The following BICC1 variants were observed in gnomAD, a reference collection of about 807,000 sequenced individuals.
The protein encoded by BICC1 is protein bicaudal C homolog 1.
A neutral mutation model predicts 111.0 loss-of-function variants in BICC1; 43 were observed. That is an observed-to-expected ratio of 0.39 (90% CI 0.30 to 0.50). The LOEUF is 0.50. Ranked by LOEUF, BICC1 falls within the 20% of genes least tolerant of loss-of-function variation. BICC1 has a pLI of 0.88. For synonymous variants in BICC1, 467 were observed against 434.4 expected (o/e 1.07, Z -0.93); for missense variants, 1,091 against 1,203.2 (o/e 0.91, Z 1.38).
At chr10:58,689,147 G>T (rs1164008785) in intron 2 of BICC1, among the ~76,000 whole-genome samples, 1 of 152,140 alleles carries the variant, frequency 6.6e-6, no homozygotes, top group Admixed American at 6.5e-5. Context: ...CAGGATCCAG[G>T]TGTTTTCTGA....
At chr10:58,819,298 G>C (rs1234195475) in intron 19 of BICC1, among the ~76,000 whole-genome samples, 1 of 152,136 alleles carries the variant, frequency 6.6e-6, no homozygotes, top group Non-Finnish European at 1.5e-5. Context: ...CTTTAGAACT[G>C]TGATAAATGA....
chr10:58,824,904 G>A (rs1844352448), intron 20 of BICC1, among the ~76,000 whole-genome samples: 1 of 152,094 alleles, frequency 6.6e-6, no homozygotes, highest in African/African-American at 2.4e-5. Context: ...GTGATTTTGA[G>A]GTGGGGGCGG....
intron 1 of BICC1, among the ~76,000 whole-genome samples, chr10:58,557,559 A>G (rs549101488): frequency 2.0e-4 from 30 of 152,140 alleles, no homozygotes; most frequent in Non-Finnish European, 2.9e-4. Context: ...GTATTTTAAA[A>G]ATCACCATTT....
chr10:58,814,668 G>A (rs932036819), intron 18 of BICC1, among the ~76,000 whole-genome samples: 2 of 149,964 alleles, frequency 1.3e-5, no homozygotes, highest in South Asian at 2.1e-4. Flanking sequence ...GTATGCATGC[G>A]CCAATAGTCT....
chr10:58,764,346 G>T (rs1842399806), intron 3 of BICC1, among the ~76,000 whole-genome samples: 1 of 152,134 alleles, frequency 6.6e-6, no homozygotes, highest in Non-Finnish European at 1.5e-5. Context: ...AAACAAATCT[G>T]ATTTATATGA....
chr10:58,732,084 T>G (rs1841316918), intron 3 of BICC1, among the ~76,000 whole-genome samples: 1 of 152,142 alleles, frequency 6.6e-6, no homozygotes, highest in South Asian at 2.1e-4. Flanking sequence ...CTGTTTTGGC[T>G]TTCAACATGC....
chr10:58,755,573 C>G (rs1842121299), intron 3 of BICC1, among the ~76,000 whole-genome samples: 1 of 152,076 alleles, frequency 6.6e-6, no homozygotes, highest in African/African-American at 2.4e-5. Flanking sequence ...GAAAAAGTTG[C>G]AATAGAGTTC....
chr10:58,746,922 G>C (rs1475586862), intron 3 of BICC1, among the ~76,000 whole-genome samples: 2 of 152,110 alleles, frequency 1.3e-5, no homozygotes, highest in East Asian at 3.9e-4. Context: ...CCATGATTCT[G>C]GCAACAGAGT....
At chr10:58,808,754 C>A (rs4948547) in intron 17 of BICC1, among the ~76,000 whole-genome samples, 111,940 of 150,566 alleles carry the variant, frequency 0.74, 41,736 homozygotes, top group Admixed American at 0.76. Flanking sequence ...TCACTCAACC[C>A]CCCTAAGCTG....
At position 58,737,143 on chromosome 10, in the gene BICC1, C is replaced by T. The variant is rs182385569; in HGVS notation, c.307+35000C>T. Among the ~76,000 whole-genome samples, 62 of 151,996 alleles carry T rather than the reference C, an allele frequency of 4.1e-4. No homozygotes were observed. The East Asian group carries it at 5.8e-3, about 14-fold the overall frequency. ...TAAGTTTTAGGGTACATGTGTACAA[C>T]GTGCAGGTTTGTTACATATATATAC... On this transcript the variant is annotated intron_variant, in intron 3 of 20. Coordinates refer to ENST00000373886, the MANE Select transcript of BICC1 (RefSeq NM_001080512.3).
At chr10:58,769,425 T>TATATATAA (rs1385104345) in intron 3 of BICC1, among the ~76,000 whole-genome samples, 12 of 145,034 alleles carry the variant, frequency 8.3e-5, no homozygotes, top group African/African-American at 3.0e-4. Flanking sequence ...TATATATATA[T>TATATATAA]AATCACAGTA....
chr10:58,765,567 C>T (rs987622056), intron 3 of BICC1, among the ~76,000 whole-genome samples: 3 of 152,204 alleles, frequency 2.0e-5, no homozygotes, highest in Non-Finnish European at 4.4e-5. Flanking sequence ...ACGTGATAAA[C>T]TCCACTGTAA....
intron 17 of BICC1, among the ~76,000 whole-genome samples, chr10:58,811,615 C>T (rs376225544): frequency 6.6e-6 from 1 of 152,100 alleles, no homozygotes; most frequent in Non-Finnish European, 1.5e-5. Flanking sequence ...GTTCCAGACA[C>T]AATTTTATAC....
Position 58,819,110 on chromosome 10 carries a change from A to G in BICC1, c.2695-1259A>G, listed in dbSNP as rs922644782. Among the ~76,000 whole-genome samples, 189 of 152,276 alleles carry G rather than the reference A, an allele frequency of 1.2e-3. 3 individuals are homozygous for G. Among genetic ancestry groups the G allele is most frequent in the African/African-American group, 4.4e-3 (182 of 41,580 alleles). ...TAAAGTTTTATTGGAACACAGCCAC[A>G]TTCATTTGTTTACATATTGTCTATG... On this transcript the variant is annotated intron_variant, in intron 19 of 20. Transcript: ENST00000373886.
intron 17 of BICC1, among the ~76,000 whole-genome samples, chr10:58,808,537 C>T (rs148474915): frequency 5.3e-5 from 8 of 152,138 alleles, no homozygotes; most frequent in East Asian, 3.9e-4. Flanking sequence ...ATGTTCATTT[C>T]GGTAATGGAG....
intron 1 of BICC1, among the ~76,000 whole-genome samples, chr10:58,591,004 C>T (rs924811238): frequency 6.6e-6 from 1 of 152,176 alleles, no homozygotes; most frequent in Non-Finnish European, 1.5e-5. Context: ...CTAGTTCCCC[C>T]CTCCCTTCCC....
intron 3 of BICC1, among the ~76,000 whole-genome samples, chr10:58,780,239 A>G (rs1214809887): frequency 6.6e-6 from 1 of 152,244 alleles, no homozygotes; most frequent in Non-Finnish European, 1.5e-5. Context: ...AAAATGTACC[A>G]CAGCCATCCA....
chr10:58,593,238 A>G (rs113086259), intron 1 of BICC1, among the ~76,000 whole-genome samples: 2 of 152,198 alleles, frequency 1.3e-5, no homozygotes, highest in Non-Finnish European at 2.9e-5. Context: ...GAAGCAGCCC[A>G]GGTCAGGAAC....
intron 2 of BICC1, among the ~76,000 whole-genome samples, chr10:58,685,967 C>G (rs1320699187): frequency 2.0e-5 from 3 of 152,126 alleles, no homozygotes; most frequent in African/African-American, 7.2e-5. Context: ...CATCAATGGT[C>G]TTTACAATTT....
Sources: gnomAD v4.1 joint callset for allele counts (sites outside exome capture counted in the v4.1 genomes callset) on GRCh38, gnomAD v4.1.1 for gene constraint, MANE v1.5 for transcripts, NCBI Gene and HGNC (gene_info 2026-07-23, HGNC 2026-07-21) for gene names.